The following HLA-DQA1 variants were observed in gnomAD, a reference collection of about 807,000 sequenced individuals.
HLA-DQA1 encodes the protein major histocompatibility complex, class II, DQ alpha 1.
HLA-DQA1 carries 10 observed loss-of-function variants against 20.7 expected under a neutral mutation model. The observed-to-expected ratio is 0.48, with a 90% CI of 0.30 to 0.82. The LOEUF (loss-of-function observed/expected upper bound fraction) is 0.82, where lower values mean the gene tolerates loss of function less well. Ranked by LOEUF, HLA-DQA1 falls within the 40% of genes least tolerant of loss-of-function variation. The pLI is 0.07. For missense variants in HLA-DQA1, 127 were observed against 293.0 expected (o/e 0.43, Z 4.14); for synonymous variants, 39 against 109.2 (o/e 0.36, Z 4.01).
chr6:32,650,897 CT>C (rs70996709), downstream of HLA-DQA1, among the ~76,000 whole-genome samples: 39 of 67,032 alleles, frequency 5.8e-4, 7 homozygotes, highest in African/African-American at 1.4e-3. Context: ...ATAAAGAATT[CT>C]TTTTTTTTTT....
the HLA-DQA1 span, among the ~76,000 whole-genome samples, chr6:32,653,263 T>TTTG: frequency 2.0e-3 from 69 of 34,850 alleles, 17 homozygotes; most frequent in African/African-American, 4.4e-3. Flanking sequence ...TAAATGTATG[T>TTTG]TTGTTGTTGT....
At position 32,640,577 on chromosome 6, in the gene HLA-DQA1, G is replaced by C. The variant is rs543448016; in HGVS notation, c.83-733G>C. ...CACAGGAAAAAAAAAAAAAAGGTGG[G>C]GGGAATGACAGAAATCCAAAAACTA... On this transcript the variant is annotated intron_variant, in intron 1 of 4. Coordinates refer to ENST00000343139, the MANE Select transcript of HLA-DQA1 (RefSeq NM_002122.5). Among the ~76,000 whole-genome samples the C allele has an allele frequency of 1.1e-3, 106 of 97,190 alleles. 19 individuals carry two copies. The highest frequency in any genetic ancestry group is 3.7e-3 in the African/African-American group (103 of 28,054). The allele number at this position is 97,190 out of a possible 152,430, so 63.8% of individuals were successfully genotyped here.
the HLA-DQA1 span, among the ~76,000 whole-genome samples, chr6:32,654,312 A>G: frequency 9.3e-6 from 1 of 107,316 alleles, no homozygotes. Context: ...AAAAAAGTAC[A>G]AAGTTTCAGT....
intron 1 of HLA-DQA1, chr6:32,639,272 A>G (rs1781177769): frequency 8.0e-6 from 1 of 125,264 alleles, no homozygotes; most frequent in African/African-American, 3.1e-5. Flanking sequence ...ATGGAATATT[A>G]GAGCCTAAGA....
intron 2 of HLA-DQA1, among the ~76,000 whole-genome samples, 155 bp from the exon 3 acceptor site, chr6:32,641,817 G>A (rs9272729): frequency 0.042 from 4,250 of 101,424 alleles, 180 homozygotes; most frequent in Middle Eastern, 0.081. Context: ...GAATAAAGCA[G>A]AGGCAATGTG....
At chr6:32,654,545 T>G in the HLA-DQA1 span, among the ~76,000 whole-genome samples, 2,923 of 69,858 alleles carry the variant, frequency 0.042, 208 homozygotes, top group African/African-American at 0.052. Flanking sequence ...AGATTACTTA[T>G]AATACCCAAT....
downstream of HLA-DQA1, chr6:32,645,970 T>G (rs9273217): frequency 1.9e-3 from 131 of 70,278 alleles, 5 homozygotes; most frequent in Non-Finnish European, 2.1e-3. Flanking sequence ...CTCAGACTCC[T>G]TCCTCAAGCA....
In HLA-DQA1 at chr6:32,641,570, C is replaced by T; in HGVS notation, c.331+12C>T. The T allele has an allele frequency of 1.0e-6, 1 of 999,044 alleles. No individual in the cohort carries two copies. Among genetic ancestry groups the T allele is most frequent in the Non-Finnish European group, 1.4e-6 (1 of 723,738 alleles). 61.9% of individuals were successfully genotyped at this position (999,044 alleles called of 1,614,324 possible). The stretch of plus-strand genomic sequence containing the variant: ...CGCTGCTACCAATGGTATGCGTCCA[C>T]CATTCTGCCTCTCTTTACTTAAGTT... On this transcript the variant is annotated intron_variant, in intron 2 of 4. Transcript: ENST00000343139.
chr6:32,641,269 C>T (rs28383440), intron 1 of HLA-DQA1, 41 bp from the exon 2 acceptor site: 74,750 of 1,120,392 alleles, frequency 0.067, 6,807 homozygotes, highest in South Asian at 0.13. Flanking sequence ...TTCTTTCTTC[C>T]CCTGTTCTCC....
downstream of HLA-DQA1, chr6:32,645,039 A>T (rs9273135): frequency 7.4e-6 from 1 of 135,670 alleles, no homozygotes; most frequent in East Asian, 2.3e-4. Context: ...TCAGGGCAAT[A>T]AAACTATTCT....
chr6:32,648,013 A>AG (rs371331327), downstream of HLA-DQA1, among the ~76,000 whole-genome samples: 1 of 136,518 alleles, frequency 7.3e-6, no homozygotes, highest in Non-Finnish European at 1.7e-5. Context: ...AAAGGAAAAG[A>AG]ATGAGGTAAA....
At position 32,641,298 on chromosome 6, in the gene HLA-DQA1, T is replaced by C. The variant is rs1203160646; in HGVS notation, c.83-12T>C. The C allele has an allele frequency of 8.8e-6, 11 of 1,257,040 alleles. 3 individuals are homozygous for C. The highest frequency in any genetic ancestry group is 1.2e-5 in the Non-Finnish European group (11 of 906,200). 77.9% of individuals were successfully genotyped at this position (1,257,040 alleles called of 1,614,324 possible). On this transcript the variant is annotated splice_polypyrimidine_tract_variant and intron_variant, in intron 1 of 4. Coordinates refer to ENST00000343139, the MANE Select transcript of HLA-DQA1 (RefSeq NM_002122.5). ...GTTCTCCGCCTTCCTGCTTGTCATC[T>C]TCACTCATCAGCTGACCACGTTGCC...
At chr6:32,639,108 G>A (rs9272545) in intron 1 of HLA-DQA1, 18,105 of 210,746 alleles carry the variant, frequency 0.086, 4,181 homozygotes, top group Admixed American at 0.098. Context: ...AGCGCTTGGC[G>A]TCTTTGTTCC....
At chr6:32,640,665 T>G (rs1781315018) in intron 1 of HLA-DQA1, among the ~76,000 whole-genome samples, 1 of 112,520 alleles carries the variant, frequency 8.9e-6, no homozygotes, top group Non-Finnish European at 1.9e-5. Flanking sequence ...CCATTACTAT[T>G]AACAAAACAG....
At chr6:32,642,458 C>G (rs190001251) in intron 3 of HLA-DQA1, 152 bp from the exon 4 acceptor site, 2 of 695,804 alleles carry the variant, frequency 2.9e-6, no homozygotes, top group Non-Finnish European at 4.8e-6. Flanking sequence ...AGTGGGCCTG[C>G]CACTTCATGG....
At chr6:32,648,076 G>A (rs2856714), downstream of HLA-DQA1, among the ~76,000 whole-genome samples, 20,728 of 131,372 alleles carry the variant, frequency 0.16, 1,913 homozygotes, top group East Asian at 0.29. Flanking sequence ...TTTAGAGATG[G>A]CTTGAAGAAA....
chr6:32,650,616 C>T (rs1362481987), downstream of HLA-DQA1, among the ~76,000 whole-genome samples: 3 of 91,608 alleles, frequency 3.3e-5, 1 homozygote, highest in East Asian at 3.5e-4. Flanking sequence ...AACCAAACAC[C>T]GCATGTTCTC....
intron 1 of HLA-DQA1, among the ~76,000 whole-genome samples, chr6:32,638,732 GA>G (rs1490061408): frequency 1.1e-5 from 1 of 88,992 alleles, no homozygotes; most frequent in Non-Finnish European, 2.5e-5. Flanking sequence ...AGGAAGGAAG[GA>G]AGGAAAAGAA....
chr6:32,654,479 G>T, the HLA-DQA1 span, among the ~76,000 whole-genome samples: 24,764 of 80,976 alleles, frequency 0.31, 5,303 homozygotes, highest in Middle Eastern at 0.53. Flanking sequence ...ATTAAAAATG[G>T]CTTAGTTTTT....
Sources: allele counts gnomAD v4.1 joint callset (sites outside exome capture counted in the v4.1 genomes callset), GRCh38; gene constraint gnomAD v4.1.1; transcripts MANE v1.5; gene names NCBI Gene and HGNC (gene_info 2026-07-23, HGNC 2026-07-21).